DRC7: variants seen among roughly 807,000 people sequenced by gnomAD.
DRC7 encodes the protein coiled-coil domain containing 135.
A neutral mutation model predicts 104.4 loss-of-function variants in DRC7; 80 were observed. The ratio of observed to expected loss-of-function variants is 0.77; its 90% confidence interval spans 0.64 to 0.92. The LOEUF is 0.92. Ranked by LOEUF, DRC7 falls within the 40% of genes least tolerant of loss-of-function variation. DRC7 has a pLI of 0.00. For missense variants in DRC7, 1,034 were observed against 1,141.1 expected, an observed-to-expected ratio of 0.91 and a Z score of 1.35; for synonymous variants, 405 against 447.3, an observed-to-expected ratio of 0.91 and a Z score of 1.19.
intron 14 of DRC7, 157 bp downstream of exon 14, chr16:57,726,440 G>C (rs2048966726): frequency 1.5e-6 from 1 of 660,338 alleles, no homozygotes. Context: ...TTCCCATCTG[G>C]GGACCCTTCT....
Position 57,722,722 on chromosome 16 carries a change from C to A in DRC7, c.1289C>A (p.Thr430Asn), listed in dbSNP as rs1224382319. 6.2e-7 allele frequency: 1 copy of A among 1,613,628 alleles called. No homozygotes were observed. The highest frequency in any genetic ancestry group is 1.1e-5 in the South Asian group (1 of 91,086). ...QIEISPEAFE[T>N]RCPNGKKVIQ... is the part of the protein sequence containing the mutation. ...CTGACTGTGTCCACAGCATTTGAGA[C>A]CCGCTGCCCGAACGGGAAGAAGGTG... Residue 430 changes from threonine (T) to asparagine (N), a missense_variant, in exon 11 of 19, where the codon ACC becomes AAC. Transcript: ENST00000360716.
chr16:57,702,030 C>T lies in DRC7; in HGVS notation c.599C>T (p.Ser200Phe). The stretch of plus-strand genomic sequence containing the variant: ...CTGCTCTGCTCCATGCTTATCGGCT[C>T]TGGCTATGATGCTTACTGCGTCAAC... ...STLLCSMLIG[S>F]GYDAYCVNGY... The change falls in exon 6 of 19, where the codon TCT becomes TTT. Residue 200 changes from serine to phenylalanine, a missense_variant. Physicochemically the swap from Ser to Phe is radical, Grantham distance 155. Transcript: ENST00000360716. 1 of 1,614,234 alleles carries T rather than the reference C, an allele frequency of 6.2e-7. No individual in the cohort carries two copies. Among genetic ancestry groups the T allele is most frequent in the Non-Finnish European group, 8.5e-7 (1 of 1,180,042 alleles).
chr16:57,710,779 G>T (rs1439484074), intron 8 of DRC7, among the ~76,000 whole-genome samples: 3 of 152,078 alleles, frequency 2.0e-5, no homozygotes, highest in African/African-American at 7.2e-5. Context: ...TATCTACATG[G>T]TAAGTTACTT....
intron 6 of DRC7, among the ~76,000 whole-genome samples, chr16:57,703,340 C>T (rs1462401527): frequency 6.6e-5 from 10 of 151,830 alleles, no homozygotes; most frequent in Admixed American, 6.6e-4. Flanking sequence ...ATATCAGAAT[C>T]ACAAATGCAT....
chr16:57,726,978 A>G, intron 15 of DRC7, 36 bp downstream of exon 15: 1 of 1,349,604 alleles, frequency 7.4e-7, no homozygotes, highest in South Asian at 1.2e-5. Flanking sequence ...GGTGGGCGGT[A>G]TCTTTGTTTT....
At chr16:57,706,184 T>C (rs1366774978) in intron 7 of DRC7, among the ~76,000 whole-genome samples, 223 of 85,804 alleles carry the variant, frequency 2.6e-3, no homozygotes, top group Middle Eastern at 0.014. Context: ...TCCCATCCTC[T>C]CATCCATCTA....
chr16:57,722,593 T>G, intron 10 of DRC7, 120 bp from the exon 11 acceptor site: 2 of 1,370,676 alleles, frequency 1.5e-6, no homozygotes, highest in East Asian at 4.7e-5. Flanking sequence ...TGGATCAGGC[T>G]TGGGGCTGGA....
chr16:57,707,647 T>A lies in DRC7; in HGVS notation c.1046T>A (p.Ile349Asn), dbSNP rs769230926. ...CTGTGGAACCACAAGAACTACTGGA[T>A]CAACATGCAGGATTGCTGGAACTGC... is the stretch of plus-strand genomic sequence containing the variant. The part of the protein sequence containing the change: ...ESLWNHKNYW[I>N]NMQDCWNCCK... Residue 349 changes from isoleucine (I) to asparagine (N), a missense_variant, in exon 8 of 19, where the codon ATC (isoleucine) becomes AAC (asparagine). By Grantham distance (149) the Ile-to-Asn change is moderately radical (BLOSUM62 -3). Coordinates refer to ENST00000360716, the MANE Select transcript of DRC7 (RefSeq NM_001289162.2). 1.9e-6 allele frequency: 3 copies of A among 1,613,366 alleles called. No individual in the cohort carries two copies. Among genetic ancestry groups the A allele is most frequent in the Non-Finnish European group, 2.5e-6 (3 of 1,179,980 alleles).
At chr16:57,726,410 C>A in intron 14 of DRC7, 127 bp downstream of exon 14, 1 of 803,292 alleles carries the variant, frequency 1.2e-6, no homozygotes, top group Non-Finnish European at 2.0e-6. Flanking sequence ...TTCATCTTTG[C>A]TCTTTGGGAA....
intron 16 of DRC7, 71 bp downstream of exon 16, chr16:57,727,480 A>G: frequency 8.7e-7 from 1 of 1,149,226 alleles, no homozygotes; most frequent in Non-Finnish European, 1.3e-6. Context: ...GGTGGGGACC[A>G]TGAGGGATTC....
At position 57,731,254 on chromosome 16, in the gene DRC7, C is replaced by T; in HGVS notation, c.2621C>T (p.Ala874Val). The T allele has an allele frequency of 6.2e-7, 1 of 1,612,538 alleles. No individual in the cohort carries two copies. The highest frequency in any genetic ancestry group is 8.5e-7 in the Non-Finnish European group (1 of 1,179,102). Residue 874 changes from alanine to valine, a missense_variant, in exon 19 of 19, where the codon GCT becomes GTT. Transcript: ENST00000360716. ...CTGGGGGAGCTCCAGAAAATATTCGCTTGATGTCCCTCCTGGGGCCTCAGC... is the reference window on the plus strand; with the variant it reads ...CTGGGGGAGCTCCAGAAAATATTCGTTTGATGTCCCTCCTGGGGCCTCAGC... The part of the protein sequence containing the change: ...PRLGELQKIF[A>V]
At position 57,722,781 on chromosome 16, in the gene DRC7, G is replaced by GC; in HGVS notation, c.1352dup (p.Tyr452ValfsTer4). ...CAAGAGGGCAAAGCTGGAGAAGTGG[G>GC]CCCCGTACCTCAATAGCAATGGCCT... is the stretch of plus-strand genomic sequence containing the variant. On this transcript the variant is annotated frameshift_variant, in exon 11 of 19. Coordinates refer to ENST00000360716, the MANE Select transcript of DRC7 (RefSeq NM_001289162.2). LOFTEE classifies it high-confidence loss of function. 6.2e-7 allele frequency: 1 copy of GC among 1,613,924 alleles called. No homozygotes were observed. The highest frequency in any genetic ancestry group is 1.3e-5 in the African/African-American group (1 of 75,038).
intron 4 of DRC7, among the ~76,000 whole-genome samples, chr16:57,699,918 A>G (rs1218239060): frequency 2.6e-5 from 4 of 152,152 alleles, no homozygotes; most frequent in African/African-American, 7.2e-5. Context: ...GCAACATGAT[A>G]AGGGCCTCCC....
At chr16:57,698,521 C>T (rs574975096) in intron 3 of DRC7, among the ~76,000 whole-genome samples, 2 of 152,088 alleles carry the variant, frequency 1.3e-5, no homozygotes, top group Admixed American at 6.6e-5. Context: ...ACCCCCCCAC[C>T]CATGTCTACA....
intron 12 of DRC7, 117 bp downstream of exon 12, chr16:57,723,247 G>A: frequency 7.8e-7 from 1 of 1,273,914 alleles, no homozygotes; most frequent in Non-Finnish European, 1.1e-6. Flanking sequence ...TGGGTTCTTG[G>A]GCAGCAAGCA....
intron 1 of DRC7, among the ~76,000 whole-genome samples, chr16:57,695,770 TA>T (rs1166446732): frequency 4.6e-5 from 7 of 152,298 alleles, no homozygotes; most frequent in Admixed American, 3.3e-4. Flanking sequence ...CTTCCTACTA[TA>T]AAGAGAAACT....
At chr16:57,730,465 G>A (rs1281968948) in intron 17 of DRC7, among the ~76,000 whole-genome samples, 1 of 152,010 alleles carries the variant, frequency 6.6e-6, no homozygotes, top group Admixed American at 6.6e-5. Flanking sequence ...GCAGATGGCT[G>A]GGTAGACAGA....
chr16:57,706,518 C>T (rs2048730722), intron 7 of DRC7, among the ~76,000 whole-genome samples: 1 of 142,164 alleles, frequency 7.0e-6, no homozygotes, highest in Non-Finnish European at 1.5e-5. Flanking sequence ...ATCCATCCTC[C>T]CACCCTCCCA....
chr16:57,726,248 A>T lies in DRC7; in HGVS notation c.1939A>T (p.Ile647Phe). The T allele has an allele frequency of 6.2e-7, 1 of 1,612,760 alleles. No homozygotes were observed. Among genetic ancestry groups the T allele is most frequent in the Non-Finnish European group, 8.5e-7 (1 of 1,179,690 alleles). Reference protein sequence around the residue: ...RTEVDSKGNKIIMTPDMCISF... With the variant: ...RTEVDSKGNKFIMTPDMCISF... ...CGAGGTGGACAGCAAAGGCAACAAG[A>T]TCATCATGACGCCCGACATGTGCAT... The change falls in exon 14 of 19, where the codon ATC (isoleucine) becomes TTC (phenylalanine). Residue 647 changes from isoleucine (I) to phenylalanine (F), a missense_variant. Coordinates refer to ENST00000360716, the MANE Select transcript of DRC7 (RefSeq NM_001289162.2).
Sources: allele counts gnomAD v4.1 joint callset (sites outside exome capture counted in the v4.1 genomes callset), GRCh38; gene constraint gnomAD v4.1.1; transcripts MANE v1.5; gene names NCBI Gene and HGNC (gene_info 2026-07-23, HGNC 2026-07-21).